The following NTNG1 variants were observed in gnomAD, a reference collection of about 807,000 sequenced individuals.
NTNG1 encodes the protein netrin G1.
A neutral mutation model predicts 54.0 loss-of-function variants in NTNG1; 16 were observed. The ratio of observed to expected loss-of-function variants is 0.30; its 90% CI spans 0.20 to 0.45. The LOEUF is 0.45. Among genes scored for constraint, NTNG1 ranks in the 20% least tolerant of loss-of-function variants. The pLI is 1.00. For missense variants in NTNG1, 530 were observed against 678.7 expected, an observed-to-expected ratio of 0.78 and a Z score of 2.43; for synonymous variants, 255 against 263.1, an observed-to-expected ratio of 0.97 and a Z score of 0.30.
intron 7 of NTNG1, among the ~76,000 whole-genome samples, chr1:107,459,109 A>G (rs1016096239): frequency 3.3e-5 from 5 of 152,170 alleles, no homozygotes; most frequent in Non-Finnish European, 7.4e-5. Context: ...GGTTCACACT[A>G]TCTATTATTA....
chr1:107,411,451 A>G (rs976660251), intron 5 of NTNG1, among the ~76,000 whole-genome samples: 1 of 152,170 alleles, frequency 6.6e-6, no homozygotes, highest in African/African-American at 2.4e-5. Flanking sequence ...TCCATACAGC[A>G]TCCAAATATT....
chr1:107,165,416 T>C (rs116774441), intron 2 of NTNG1, among the ~76,000 whole-genome samples: 1 of 152,330 alleles, frequency 6.6e-6, no homozygotes, highest in Non-Finnish European at 1.5e-5. Flanking sequence ...TAACTCCTTT[T>C]TGTCACTGAA....
intron 2 of NTNG1, among the ~76,000 whole-genome samples, chr1:107,243,055 G>A (rs991201462): frequency 1.3e-5 from 2 of 152,140 alleles, no homozygotes; most frequent in African/African-American, 2.4e-5. Flanking sequence ...AGCATCAAGG[G>A]GTTTGTTGAA....
intron 2 of NTNG1, among the ~76,000 whole-genome samples, chr1:107,314,740 A>G (rs1203775756): frequency 6.6e-6 from 1 of 152,228 alleles, no homozygotes; most frequent in Non-Finnish European, 1.5e-5. Context: ...GTGGTATAAC[A>G]TAGTGGTTGA....
chr1:107,272,888 G>A (rs1219678242), intron 2 of NTNG1, among the ~76,000 whole-genome samples: 7 of 152,244 alleles, frequency 4.6e-5, no homozygotes, highest in East Asian at 1.9e-4. Flanking sequence ...CCCTGAAGTC[G>A]GAAGCACTTA....
chr1:107,352,903 C>T (rs1570745302), intron 3 of NTNG1, among the ~76,000 whole-genome samples: 1 of 152,210 alleles, frequency 6.6e-6, no homozygotes, highest in East Asian at 1.9e-4. Context: ...CTTTGAGCCA[C>T]AACTGGAGCT....
chr1:107,304,870 T>C (rs1666578253), intron 2 of NTNG1, among the ~76,000 whole-genome samples: 1 of 152,288 alleles, frequency 6.6e-6, no homozygotes, highest in East Asian at 1.9e-4. Context: ...TTTCTTCTAA[T>C]GCTATCCCTC....
At chr1:107,293,425 C>T (rs1275467289) in intron 2 of NTNG1, among the ~76,000 whole-genome samples, 1 of 152,212 alleles carries the variant, frequency 6.6e-6, no homozygotes, top group Non-Finnish European at 1.5e-5. Context: ...CCCATTGCAA[C>T]ATTATAGCAG....
intron 2 of NTNG1, among the ~76,000 whole-genome samples, chr1:107,253,091 T>C (rs1401778629): frequency 6.6e-6 from 1 of 150,906 alleles, no homozygotes; most frequent in African/African-American, 2.5e-5. Context: ...AAATCCACTC[T>C]TAATTTCATG....
At chr1:107,141,873 G>A (rs1241668988) in intron 1 of NTNG1, among the ~76,000 whole-genome samples, 1 of 151,656 alleles carries the variant, frequency 6.6e-6, no homozygotes, top group Non-Finnish European at 1.5e-5. Context: ...AATTATATTT[G>A]TTTGGGGAAA....
chr1:107,182,812 G>T (rs911873505), intron 2 of NTNG1, among the ~76,000 whole-genome samples: 3 of 152,108 alleles, frequency 2.0e-5, no homozygotes, highest in Non-Finnish European at 4.4e-5. Context: ...AAGGACAGAG[G>T]AGTCAGAGAC....
intron 3 of NTNG1, among the ~76,000 whole-genome samples, chr1:107,361,615 T>C (rs1349783204): frequency 1.3e-5 from 2 of 151,840 alleles, no homozygotes; most frequent in Admixed American, 6.6e-5. Flanking sequence ...CTCAAACTCC[T>C]GATCTCAAGT....
chr1:107,215,456 A>G (rs1227576856), intron 2 of NTNG1, among the ~76,000 whole-genome samples: 1 of 151,906 alleles, frequency 6.6e-6, no homozygotes, highest in Non-Finnish European at 1.5e-5. Flanking sequence ...GTTTGTCTTT[A>G]TTTTTGGGTT....
chr1:107,188,199 T>G (rs1657617631), intron 2 of NTNG1, among the ~76,000 whole-genome samples: 1 of 152,112 alleles, frequency 6.6e-6, no homozygotes, highest in South Asian at 2.1e-4. Context: ...CGACAATAGA[T>G]CTGAATGAAT....
chr1:107,185,024 T>G (rs917150132), intron 2 of NTNG1, among the ~76,000 whole-genome samples: 40 of 152,124 alleles, frequency 2.6e-4, no homozygotes, highest in Non-Finnish European at 5.6e-4. Flanking sequence ...ATGCTGGCTG[T>G]CAGTTGGAAC....
chr1:107,193,683 G>T (rs1156379960), intron 2 of NTNG1, among the ~76,000 whole-genome samples: 2 of 151,950 alleles, frequency 1.3e-5, no homozygotes, highest in South Asian at 2.1e-4. Flanking sequence ...AGACTACAAG[G>T]TTTATATTTT....
intron 2 of NTNG1, among the ~76,000 whole-genome samples, chr1:107,298,919 G>A (rs1253833949): frequency 6.6e-6 from 1 of 152,228 alleles, no homozygotes; most frequent in Non-Finnish European, 1.5e-5. Flanking sequence ...AATGGTGTTA[G>A]CAGCTTGGGA....
intron 3 of NTNG1, among the ~76,000 whole-genome samples, chr1:107,380,916 A>G (rs1400980963): frequency 6.6e-6 from 1 of 152,220 alleles, no homozygotes; most frequent in South Asian, 2.1e-4. Context: ...TCTGTTAAAT[A>G]TAAAACAAAA....
intron 7 of NTNG1, among the ~76,000 whole-genome samples, chr1:107,472,397 C>T (rs568459794): frequency 2.6e-5 from 4 of 152,194 alleles, no homozygotes; most frequent in East Asian, 1.9e-4. Context: ...TTAGAAATAC[C>T]GACTTCAAAC....
Sources: allele counts gnomAD v4.1 joint callset (sites outside exome capture counted in the v4.1 genomes callset), GRCh38; gene constraint gnomAD v4.1.1; transcripts MANE v1.5; gene names NCBI Gene and HGNC (gene_info 2026-07-23, HGNC 2026-07-21).